The following BBS2 variants were observed in gnomAD, a reference collection of about 807,000 sequenced individuals.
BBS2 encodes Bardet-Biedl syndrome 2, also known as BBSome complex member BBS2.
In BBS2, 62 loss-of-function variants were observed where a neutral mutation model predicts 83.0. The observed-to-expected ratio is 0.75, with a 90% CI of 0.61 to 0.92. The LOEUF (loss-of-function observed/expected upper bound fraction) is 0.92. BBS2 is among the 40% of genes least tolerant of loss of function. The pLI is 0.00. For synonymous variants in BBS2, 303 were observed against 326.1 expected (o/e 0.93, Z 0.76); for missense variants, 784 against 901.0 (o/e 0.87, Z 1.66).
chr16:56,488,022 C>T (rs909033323), intron 15 of BBS2, among the ~76,000 whole-genome samples: 7 of 152,046 alleles, frequency 4.6e-5, no homozygotes, highest in Admixed American at 1.3e-4. Context: ...ACATTATGAA[C>T]GTATTTAATG....
intron 15 of BBS2, among the ~76,000 whole-genome samples, chr16:56,494,122 C>A (rs1316706932): frequency 2.7e-5 from 4 of 147,030 alleles, no homozygotes; most frequent in African/African-American, 5.1e-5. Context: ...CTATGCCCAG[C>A]TAATTTTTTT....
chr16:56,473,940 G>A (rs2144051857), intron 17 of BBS2, among the ~76,000 whole-genome samples: 1 of 151,992 alleles, frequency 6.6e-6, no homozygotes, highest in African/African-American at 2.4e-5. Context: ...CTAAGTAGCT[G>A]GGATTACAGG....
rs1964300041 is a variant in BBS2 at position 56,502,398 on chromosome 16, T to C, written c.999A>G (p.Ala333=). ...EMRGNLMDTS[A]EQDLIRELSQ... is the part of the protein sequence containing the mutation. ...TCAGCTCTCGGATCAGGTCCTGCTC[T>C]GCACTGGTGTCCATGAGGTTGCCCC... is the stretch of plus-strand genomic sequence containing the variant. Residue 333 remains alanine (A), a synonymous_variant, in exon 9 of 17, where the codon GCA becomes GCG. Transcript: ENST00000245157. 1 of 1,614,258 alleles carries C rather than the reference T, an allele frequency of 6.2e-7. No homozygotes were observed. The highest frequency in any genetic ancestry group is 2.2e-5 in the East Asian group (1 of 44,892).
intron 15 of BBS2, among the ~76,000 whole-genome samples, chr16:56,491,294 A>T (rs369030334): frequency 3.3e-5 from 5 of 152,250 alleles, no homozygotes; most frequent in Non-Finnish European, 7.4e-5. Context: ...TCATGAATAG[A>T]TTAATGCCAT....
chr16:56,475,978 G>A, intron 17 of BBS2: 1 of 1,416,786 alleles, frequency 7.1e-7, no homozygotes. Context: ...CTGTTCCATG[G>A]TTAATCATCC....
Position 56,502,812 on chromosome 16 carries a change from C to T in BBS2, c.805-4G>A, listed in dbSNP as rs1227390162. The T allele has an allele frequency of 6.2e-7, 1 of 1,614,088 alleles. No homozygotes were observed. Among genetic ancestry groups the T allele is most frequent in the East Asian group, 2.2e-5 (1 of 44,872 alleles). The stretch of plus-strand genomic sequence containing the variant: ...TTCGGTCACTTCGAGCATCAACCTA[C>T]AAATAAAACACAAATTTAAAAGTTG... On this transcript the variant is annotated splice_region_variant and splice_polypyrimidine_tract_variant and intron_variant, in intron 7 of 16. Coordinates refer to ENST00000245157, the MANE Select transcript of BBS2 (RefSeq NM_031885.5).
intron 2 of BBS2, among the ~76,000 whole-genome samples, chr16:56,511,674 A>AGGAATTTATTTAT (rs1213331104): frequency 6.6e-6 from 1 of 152,174 alleles, no homozygotes; most frequent in Non-Finnish European, 1.5e-5. Flanking sequence ...TGCATAAGCC[A>AGGAATTTATTTAT]ATTCCTGAAA....
chr16:56,516,118 G>A (rs1214146745), intron 1 of BBS2: 2 of 152,222 alleles, frequency 1.3e-5, no homozygotes, highest in African/African-American at 4.8e-5. Context: ...TCAGGAGTCA[G>A]ACTTTCCCCC....
At chr16:56,519,069 G>A (rs1220457374) in intron 1 of BBS2, among the ~76,000 whole-genome samples, 1 of 152,160 alleles carries the variant, frequency 6.6e-6, no homozygotes, top group East Asian at 1.9e-4. Flanking sequence ...AGTGGCTCAC[G>A]CCTGTAATCC....
chr16:56,470,459 T>A, exon 18 of BBS2: 1 of 1,568,690 alleles, frequency 6.4e-7, no homozygotes, highest in Non-Finnish European at 8.6e-7. Flanking sequence ...GTGGCTTTGA[T>A]GAACAACTTG....
At chr16:56,519,129 G>A (rs1395844072) in intron 1 of BBS2, among the ~76,000 whole-genome samples, 1 of 152,010 alleles carries the variant, frequency 6.6e-6, no homozygotes, top group Non-Finnish European at 1.5e-5. Context: ...TCAGGAGTTC[G>A]AGACCAGCCT....
chr16:56,496,657 C>G (rs540525270), intron 15 of BBS2, among the ~76,000 whole-genome samples: 6 of 152,300 alleles, frequency 3.9e-5, no homozygotes, highest in African/African-American at 1.4e-4. Flanking sequence ...TGTCGCTACA[C>G]TGTTCATGCT....
intron 15 of BBS2, among the ~76,000 whole-genome samples, chr16:56,496,764 C>T (rs1249373216): frequency 2.0e-5 from 3 of 152,212 alleles, no homozygotes; most frequent in African/African-American, 7.2e-5. Context: ...TATAACTAAG[C>T]TGTAACTTTC....
chr16:56,488,607 A>C (rs566838260), intron 15 of BBS2, among the ~76,000 whole-genome samples: 1 of 152,192 alleles, frequency 6.6e-6, no homozygotes, highest in Admixed American at 6.6e-5. Flanking sequence ...TCAGATGTCT[A>C]GAAAATCTCT....
chr16:56,472,801 T>G (rs1414412709), intron 17 of BBS2, among the ~76,000 whole-genome samples: 1 of 152,184 alleles, frequency 6.6e-6, no homozygotes, highest in Non-Finnish European at 1.5e-5. Context: ...TTGTTCTGTA[T>G]TTTTTCCACT....
intron 2 of BBS2, among the ~76,000 whole-genome samples, chr16:56,511,778 T>C (rs1964583983): frequency 6.6e-6 from 1 of 152,178 alleles, no homozygotes; most frequent in South Asian, 2.1e-4. Flanking sequence ...ATTTCACTTC[T>C]GAACAAAAAC....
chr16:56,500,162 G>A (rs1252293501), intron 11 of BBS2: 6 of 431,246 alleles, frequency 1.4e-5, no homozygotes, highest in African/African-American at 1.2e-4. Context: ...GATGTAAAAA[G>A]TATCTTATCT....
chr16:56,486,265 C>A (rs532560952), intron 15 of BBS2, among the ~76,000 whole-genome samples: 6 of 152,272 alleles, frequency 3.9e-5, no homozygotes, highest in African/African-American at 1.4e-4. Flanking sequence ...GACAGAAATA[C>A]AAAAAGCTGC....
chr16:56,511,551 A>C (rs1403565449), intron 2 of BBS2, among the ~76,000 whole-genome samples: 1 of 152,224 alleles, frequency 6.6e-6, no homozygotes, highest in Non-Finnish European at 1.5e-5. Context: ...CCCAAGGAAG[A>C]AGGGATTCTA....
Sources: gnomAD v4.1 joint callset for allele counts (sites outside exome capture counted in the v4.1 genomes callset) on GRCh38, gnomAD v4.1.1 for gene constraint, MANE v1.5 for transcripts, NCBI Gene and HGNC (gene_info 2026-07-23, HGNC 2026-07-21) for gene names.